The following NRXN3 variants were observed in gnomAD, a reference collection of about 807,000 sequenced individuals.
The protein encoded by NRXN3 is neurexin 3, also known as neurexin III.
In NRXN3, 32 loss-of-function variants were observed where a neutral mutation model predicts 137.6. The observed-to-expected ratio is 0.23, with a 90% CI of 0.18 to 0.31. The LOEUF (loss-of-function observed/expected upper bound fraction) is 0.31. Ranked by LOEUF, NRXN3 falls within the 10% of genes least tolerant of loss-of-function variation. The probability of loss-of-function intolerance (pLI) is 1.00; values close to 1 mark genes in which losing one functional copy is unlikely to be tolerated. For synonymous variants in NRXN3, 798 were observed against 784.5 expected (o/e 1.02, Z -0.29); for missense variants, 1,574 against 2,062.5 (o/e 0.76, Z 4.59).
chr14:78,815,124 G>A (rs1457263528), intron 10 of NRXN3, among the ~76,000 whole-genome samples: 2 of 152,284 alleles, frequency 1.3e-5, no homozygotes, highest in East Asian at 1.9e-4. Context: ...ATATGTAACA[G>A]TGTCTCTCTC....
chr14:78,322,745 G>T (rs17107344), intron 4 of NRXN3, among the ~76,000 whole-genome samples: 6,156 of 151,940 alleles, frequency 0.041, 456 homozygotes, highest in East Asian at 0.32. Flanking sequence ...CACTATCCCA[G>T]GTGCCGTCTT....
intron 15 of NRXN3, among the ~76,000 whole-genome samples, chr14:79,114,901 C>T (rs2054139382): frequency 6.6e-6 from 1 of 152,138 alleles, no homozygotes; most frequent in African/African-American, 2.4e-5. Context: ...AGCACTTCAA[C>T]TCTCACACGT....
At chr14:79,398,505 T>C (rs930967893) in intron 15 of NRXN3, among the ~76,000 whole-genome samples, 58 of 138,846 alleles carry the variant, frequency 4.2e-4, no homozygotes, top group Admixed American at 6.4e-4. Flanking sequence ...ATATTCATTG[T>C]TTTTTTTTTT....
At chr14:78,785,421 GT>G (rs1446328301) in intron 8 of NRXN3, among the ~76,000 whole-genome samples, 4 of 152,160 alleles carry the variant, frequency 2.6e-5, no homozygotes, top group Non-Finnish European at 5.9e-5. Context: ...TCATTTCTAA[GT>G]TTTAGCAATA....
intron 4 of NRXN3, among the ~76,000 whole-genome samples, chr14:78,411,026 G>A (rs1304053476): frequency 6.6e-6 from 1 of 152,192 alleles, no homozygotes; most frequent in East Asian, 1.9e-4. Context: ...ATCTGTAAAT[G>A]AGGATAATAG....
At chr14:78,978,180 C>G (rs535085154) in intron 14 of NRXN3, among the ~76,000 whole-genome samples, 6 of 152,248 alleles carry the variant, frequency 3.9e-5, no homozygotes, top group Admixed American at 1.3e-4. Flanking sequence ...GAAGAGGAAG[C>G]CATAAGCATC....
At chr14:79,819,726 G>GC (rs1273861114) in intron 20 of NRXN3, among the ~76,000 whole-genome samples, 3 of 151,724 alleles carry the variant, frequency 2.0e-5, no homozygotes, top group East Asian at 1.9e-4. Flanking sequence ...CTCGTGATTT[G>GC]CCCCCCTCGG....
At chr14:79,269,043 C>A (rs765113477) in intron 15 of NRXN3, among the ~76,000 whole-genome samples, 4 of 150,342 alleles carry the variant, frequency 2.7e-5, no homozygotes, top group Middle Eastern at 3.4e-3. Context: ...TTTTATTTTT[C>A]TTATTTTATT....
intron 16 of NRXN3, among the ~76,000 whole-genome samples, chr14:79,615,225 T>C (rs1351025430): frequency 6.6e-6 from 1 of 152,056 alleles, no homozygotes; most frequent in Non-Finnish European, 1.5e-5. Flanking sequence ...AAGACAAAAA[T>C]TAAAGAAATA....
chr14:78,386,738 A>C lies in NRXN3; in HGVS notation c.757+88878A>C, dbSNP rs182304635. Among the ~76,000 whole-genome samples, 133 of 151,594 alleles carry C rather than the reference A, an allele frequency of 8.8e-4. 1 individual carries two copies. Among genetic ancestry groups the C allele is most frequent in the Non-Finnish European group, 1.6e-3 (111 of 67,846 alleles). ...CTAAGGGTGGTGCCATGTTCACTGCACTCCTTAGCTATGTTGATCAGGTTA... is the reference window on the plus strand; with the variant it reads ...CTAAGGGTGGTGCCATGTTCACTGCCCTCCTTAGCTATGTTGATCAGGTTA... On this transcript the variant is annotated intron_variant, in intron 4 of 20. Transcript: ENST00000335750.
chr14:78,845,681 C>T (rs1485050576), intron 10 of NRXN3, among the ~76,000 whole-genome samples: 1 of 151,946 alleles, frequency 6.6e-6, no homozygotes, highest in East Asian at 1.9e-4. Flanking sequence ...AGGTATCTTC[C>T]AACTCTAATA....
chr14:79,271,606 C>A (rs1229091313), intron 15 of NRXN3, among the ~76,000 whole-genome samples: 1 of 150,956 alleles, frequency 6.6e-6, no homozygotes, highest in East Asian at 2.0e-4. Flanking sequence ...CTTCTCCTGC[C>A]GTGCCTTGCC....
chr14:78,920,837 A>G (rs941872653), intron 10 of NRXN3, among the ~76,000 whole-genome samples: 4 of 152,208 alleles, frequency 2.6e-5, no homozygotes, highest in African/African-American at 7.2e-5. Flanking sequence ...TGGACAAAAC[A>G]TGAGGAAGAG....
chr14:78,688,833 C>A (rs1298218385), intron 6 of NRXN3, among the ~76,000 whole-genome samples: 1 of 151,786 alleles, frequency 6.6e-6, no homozygotes, highest in Non-Finnish European at 1.5e-5. Context: ...CACAGATGGG[C>A]TCTGATAGGA....
At chr14:79,710,348 T>TTA (rs2098798727) in intron 19 of NRXN3, among the ~76,000 whole-genome samples, 2 of 152,076 alleles carry the variant, frequency 1.3e-5, no homozygotes, top group East Asian at 1.9e-4. Flanking sequence ...AAAGGGCTAC[T>TTA]TTAAAAAAAA....
chr14:78,813,166 T>C (rs2098919815), intron 10 of NRXN3, among the ~76,000 whole-genome samples: 1 of 152,262 alleles, frequency 6.6e-6, no homozygotes, highest in Non-Finnish European at 1.5e-5. Context: ...AGACATTTCA[T>C]TTTTATTGTG....
At chr14:79,061,027 C>T (rs957456017) in intron 15 of NRXN3, among the ~76,000 whole-genome samples, 6 of 152,160 alleles carry the variant, frequency 3.9e-5, no homozygotes, top group Non-Finnish European at 8.8e-5. Context: ...TCATGATGAA[C>T]AGTCAGGCAT....
At chr14:78,682,600 T>C (rs1440479351) in intron 6 of NRXN3, among the ~76,000 whole-genome samples, 1 of 152,082 alleles carries the variant, frequency 6.6e-6, no homozygotes, top group Non-Finnish European at 1.5e-5. Context: ...ATTGAGCATT[T>C]ACTATATGCT....
intron 15 of NRXN3, among the ~76,000 whole-genome samples, chr14:79,021,951 A>G (rs1429855524): frequency 6.6e-6 from 1 of 152,190 alleles, no homozygotes; most frequent in Admixed American, 6.5e-5. Flanking sequence ...GTAAACTCAC[A>G]ACAATCCCAG....
Sources: gnomAD v4.1 joint callset for allele counts (sites outside exome capture counted in the v4.1 genomes callset) on GRCh38, gnomAD v4.1.1 for gene constraint, MANE v1.5 for transcripts, NCBI Gene and HGNC (gene_info 2026-07-23, HGNC 2026-07-21) for gene names.